The following SAMD3 variants were observed in gnomAD, a reference collection of about 807,000 sequenced individuals.
SAMD3 encodes the protein sterile alpha motif domain containing 3.
SAMD3 carries 63 observed loss-of-function variants against 58.5 expected under a neutral mutation model. That is an observed-to-expected ratio of 1.08 (90% CI 0.88 to 1.33). The LOEUF is 1.33. SAMD3 is among the 40% of genes most tolerant of loss of function. SAMD3 has a pLI of 0.00. For synonymous variants in SAMD3, 220 were observed against 210.3 expected (o/e 1.05, Z -0.40); for missense variants, 604 against 608.4 (o/e 0.99, Z 0.08).
chr6:130,162,086 C>A, intron 8 of SAMD3: 1 of 530,924 alleles, frequency 1.9e-6, no homozygotes, highest in Admixed American at 3.4e-5. Flanking sequence ...CGTAAATTAA[C>A]CAGAACATTA....
chr6:130,337,037 T>A (rs1777121243), intron 1 of SAMD3, among the ~76,000 whole-genome samples: 1 of 152,236 alleles, frequency 6.6e-6, no homozygotes, highest in Non-Finnish European at 1.5e-5. Flanking sequence ...TCCACCATCA[T>A]CAGCAGTACC....
intron 2 of SAMD3, among the ~76,000 whole-genome samples, chr6:130,289,505 A>G (rs568142692): frequency 6.6e-6 from 1 of 150,842 alleles, no homozygotes; most frequent in South Asian, 2.1e-4. Context: ...AAAAATATAT[A>G]TAGAGAGAGA....
intron 1 of SAMD3, among the ~76,000 whole-genome samples, chr6:130,356,812 C>G (rs1342197202): frequency 6.6e-6 from 1 of 152,206 alleles, no homozygotes; most frequent in East Asian, 1.9e-4. Flanking sequence ...GAAGAAGTCA[C>G]TTACCTGTTG....
At chr6:130,347,908 G>A (rs533668682) in intron 1 of SAMD3, among the ~76,000 whole-genome samples, 46 of 152,208 alleles carry the variant, frequency 3.0e-4, no homozygotes, top group Non-Finnish European at 5.0e-4. Flanking sequence ...CCAGAAGAGA[G>A]TGGGGGCCAA....
At chr6:130,219,385 C>T (rs1395258115) in intron 1 of SAMD3, among the ~76,000 whole-genome samples, 1 of 151,946 alleles carries the variant, frequency 6.6e-6, no homozygotes, top group African/African-American at 2.4e-5. Flanking sequence ...TGTTTGGTTA[C>T]CTGCATAAGT....
chr6:130,178,411 G>A (rs1791945857), intron 7 of SAMD3, among the ~76,000 whole-genome samples: 1 of 151,738 alleles, frequency 6.6e-6, no homozygotes, highest in African/African-American at 2.4e-5. Context: ...GCAGGCATAT[G>A]GGCCTGTGTT....
intron 5 of SAMD3, among the ~76,000 whole-genome samples, chr6:130,187,062 G>A (rs1040173547): frequency 3.3e-5 from 5 of 152,246 alleles, no homozygotes; most frequent in Non-Finnish European, 7.4e-5. Flanking sequence ...GAGCCACCGT[G>A]CCTGGGCCTT....
chr6:130,270,268 T>G (rs1473764298), intron 2 of SAMD3, among the ~76,000 whole-genome samples: 1 of 152,176 alleles, frequency 6.6e-6, no homozygotes, highest in East Asian at 1.9e-4. Flanking sequence ...AACTTTTGTA[T>G]TTTTAGTAGA....
At chr6:130,230,586 C>T (rs186917431) in intron 2 of SAMD3, among the ~76,000 whole-genome samples, 2 of 152,228 alleles carry the variant, frequency 1.3e-5, no homozygotes, top group African/African-American at 2.4e-5. Flanking sequence ...ACAGGTTTCA[C>T]TATGTTGGCC....
chr6:130,299,080 T>C (rs555265041), intron 2 of SAMD3, among the ~76,000 whole-genome samples: 1 of 152,116 alleles, frequency 6.6e-6, no homozygotes, highest in Non-Finnish European at 1.5e-5. Flanking sequence ...AAAGAAACTC[T>C]GGACTTAAAT....
intron 1 of SAMD3, among the ~76,000 whole-genome samples, chr6:130,346,513 G>A (rs1222128894): frequency 6.6e-6 from 1 of 152,208 alleles, no homozygotes; most frequent in Non-Finnish European, 1.5e-5. Flanking sequence ...AGGTGGCAGT[G>A]AGGATGGGGG....
intron 7 of SAMD3, among the ~76,000 whole-genome samples, chr6:130,176,633 C>G (rs1345148726): frequency 6.6e-6 from 1 of 152,148 alleles, no homozygotes; most frequent in East Asian, 1.9e-4. Flanking sequence ...GGGGAAGATA[C>G]ATCATTCATT....
chr6:130,343,833 T>A (rs1777351905), intron 1 of SAMD3, among the ~76,000 whole-genome samples: 1 of 151,908 alleles, frequency 6.6e-6, no homozygotes, highest in South Asian at 2.1e-4. Context: ...GGCATGGTGG[T>A]GGGTGCCTGT....
chr6:130,335,714 C>T lies in SAMD3; in HGVS notation c.-303-22621G>A, dbSNP rs558318936. Among the ~76,000 whole-genome samples the T allele has an allele frequency of 7.9e-5, 12 of 152,236 alleles. No individual in the cohort carries two copies. The South Asian group carries it at 2.1e-3, about 26-fold the overall frequency. On this transcript the variant is annotated intron_variant, in intron 1 of 13. Coordinates refer to the SAMD3 transcript ENST00000368134. The stretch of plus-strand genomic sequence containing the variant: ...ATGCTGCTATAAAGACACATGCACA[C>T]GTATGTTTATTGCGGCTCTATTCAC...
intron 2 of SAMD3, among the ~76,000 whole-genome samples, chr6:130,274,604 T>G (rs1774705885): frequency 6.6e-6 from 1 of 151,800 alleles, no homozygotes; most frequent in African/African-American, 2.4e-5. Flanking sequence ...TGAGCTCTGC[T>G]GGCTTGGAGG....
intron 9 of SAMD3, among the ~76,000 whole-genome samples, chr6:130,153,116 GAACTGTT>G (rs1419931746): frequency 6.6e-6 from 1 of 152,140 alleles, no homozygotes; most frequent in African/African-American, 2.4e-5. Flanking sequence ...GGCACTTTGG[GAACTGTT>G]AATATTAACA....
intron 5 of SAMD3, among the ~76,000 whole-genome samples, chr6:130,186,583 A>G (rs778454656): frequency 4.0e-4 from 61 of 152,234 alleles, no homozygotes; most frequent in Non-Finnish European, 7.6e-4. Flanking sequence ...TTGTTCATTC[A>G]TTCAACCAGT....
intron 2 of SAMD3, among the ~76,000 whole-genome samples, chr6:130,266,891 A>T (rs1030651221): frequency 6.6e-6 from 1 of 152,214 alleles, no homozygotes; most frequent in South Asian, 2.1e-4. Flanking sequence ...TAGGCCTGCC[A>T]CTTGGGCACA....
At position 130,215,179 on chromosome 6, in the gene SAMD3, AG is replaced by A. The variant is rs1456700548; in HGVS notation, c.79+15del. ...GGCTGCTCAATTAAAATTTTTGGAA[AG>A]CATAAACAACTCACCTTGAAATCTA... On this transcript the variant is annotated intron_variant, in intron 3 of 11. Coordinates refer to ENST00000439090, the MANE Select transcript of SAMD3 (RefSeq NM_001017373.4). The A allele has an allele frequency of 9.1e-6, 13 of 1,432,878 alleles. No homozygotes were observed. The highest frequency in any genetic ancestry group is 1.3e-5 in the Non-Finnish European group (13 of 1,023,504). The allele number at this position is 1,432,878 out of a possible 1,614,324, so 88.8% of individuals were successfully genotyped here. A position where few individuals can be genotyped will look rare whatever the true frequency, so the allele number is the denominator to read the frequency against.
Sources: gnomAD v4.1 joint callset for allele counts (sites outside exome capture counted in the v4.1 genomes callset) on GRCh38, gnomAD v4.1.1 for gene constraint, MANE v1.5 for transcripts, NCBI Gene and HGNC (gene_info 2026-07-23, HGNC 2026-07-21) for gene names.